The following ADRA1A variants were observed in gnomAD, a reference collection of about 807,000 sequenced individuals.
The protein encoded by ADRA1A is adrenoceptor alpha 1A, also known as alpha-1A adrenergic receptor.
In ADRA1A, 31 loss-of-function variants were observed where a neutral mutation model predicts 29.6. That is an observed-to-expected ratio of 1.05 (90% confidence interval 0.79 to 1.41). ADRA1A has a LOEUF of 1.41. Among genes scored for constraint, ADRA1A ranks in the 40% most tolerant of loss-of-function variants. ADRA1A has a pLI of 0.00. For synonymous variants in ADRA1A, 311 were observed against 254.3 expected, an observed-to-expected ratio of 1.22 and a Z score of -2.12; for missense variants, 619 against 601.1, an observed-to-expected ratio of 1.03 and a Z score of -0.31.
chr8:26,863,926 A>G, intron 2 of ADRA1A, 161 bp downstream of exon 2: 2 of 752,354 alleles, frequency 2.7e-6, no homozygotes, highest in Admixed American at 3.2e-5. Flanking sequence ...AGAGAATGAA[A>G]ATTCACTTTT....
intron 2 of ADRA1A, among the ~76,000 whole-genome samples, chr8:26,852,104 T>A (rs745558676): frequency 5.3e-5 from 8 of 152,148 alleles, no homozygotes; most frequent in Non-Finnish European, 1.2e-4. Flanking sequence ...TTACCAATGA[T>A]TTTCAAATGA....
chr8:26,826,988 T>C (rs7015591), intron 2 of ADRA1A, among the ~76,000 whole-genome samples: 8,800 of 152,274 alleles, frequency 0.058, 794 homozygotes, highest in African/African-American at 0.2. Context: ...CAGCTATGTA[T>C]GATTGTGCCC....
chr8:26,866,433 T>C lies in ADRA1A; in HGVS notation c.-687+503A>G, dbSNP rs1340204777. Among the ~76,000 whole-genome samples the C allele has an allele frequency of 6.6e-6, 1 of 152,080 alleles. No homozygotes were observed. Among genetic ancestry groups the C allele is most frequent in the African/African-American group, 2.4e-5 (1 of 41,416 alleles). On this transcript the variant is annotated intron_variant, in intron 1 of 2. Transcript: ENST00000380573. The surrounding 1 kb of genome is among the most constrained non-coding windows in gnomAD (Gnocchi z 5.7). Reference sequence around the variant, plus strand: ...CTTTGCAAGTGACAGTCACTGCGGATTTTGCAGGCGTAAACATTAAGCCGG... The same window carrying C: ...CTTTGCAAGTGACAGTCACTGCGGACTTTGCAGGCGTAAACATTAAGCCGG...
chr8:26,847,093 T>C (rs1444152777), intron 2 of ADRA1A, among the ~76,000 whole-genome samples: 1 of 152,024 alleles, frequency 6.6e-6, no homozygotes, highest in Admixed American at 6.6e-5. Context: ...CAGGGAGGGA[T>C]AGCATTGGGA....
At chr8:26,773,009 G>T (rs1024993940) in intron 2 of ADRA1A, among the ~76,000 whole-genome samples, 2 of 152,214 alleles carry the variant, frequency 1.3e-5, no homozygotes, top group African/African-American at 2.4e-5. Flanking sequence ...AAACAGGCAA[G>T]GCACTGTGCT....
chr8:26,801,849 T>C (rs12680333), intron 2 of ADRA1A, among the ~76,000 whole-genome samples: 89,609 of 152,062 alleles, frequency 0.59, 28,707 homozygotes, highest in East Asian at 0.9. Flanking sequence ...AATTATACTA[T>C]AGAGCTATGG....
chr8:26,840,856 A>C (rs117724221), intron 2 of ADRA1A, among the ~76,000 whole-genome samples: 2 of 152,288 alleles, frequency 1.3e-5, no homozygotes, highest in Non-Finnish European at 2.9e-5. Context: ...TTTCCCCTCA[A>C]ACATTTTTCC....
chr8:26,831,670 A>G lies in ADRA1A; in HGVS notation c.883+32417T>C, dbSNP rs1377493381. 1.3e-5 allele frequency among the ~76,000 whole-genome samples: 2 copies of G among 152,216 alleles called. No individual in the cohort carries two copies. The highest frequency in any genetic ancestry group is 4.8e-5 in the African/African-American group (2 of 41,450). On this transcript the variant is annotated intron_variant, in intron 2 of 2. Transcript: ENST00000380573. This position sits in a 1 kb window ranked among gnomAD's most constrained non-coding sequence, Gnocchi z 5.2. ...TTTCCAGCCTGGGTAGATCAGCCAC[A>G]TGCCAATTGTCTTCTTGTTTTCTTT...
intron 2 of ADRA1A, among the ~76,000 whole-genome samples, chr8:26,838,902 C>A (rs2130688383): frequency 6.6e-6 from 1 of 152,300 alleles, no homozygotes; most frequent in Non-Finnish European, 1.5e-5. Flanking sequence ...TGTGTCCCCT[C>A]AGCTCTGGAA....
chr8:26,863,381 T>G (rs1375024736), intron 2 of ADRA1A, among the ~76,000 whole-genome samples: 1 of 152,206 alleles, frequency 6.6e-6, no homozygotes, highest in Non-Finnish European at 1.5e-5. Flanking sequence ...ATCTGCAACT[T>G]CCCGGATGAT....
intron 2 of ADRA1A, among the ~76,000 whole-genome samples, chr8:26,812,812 C>G (rs906882096): frequency 2.0e-5 from 3 of 151,606 alleles, no homozygotes; most frequent in Admixed American, 1.3e-4. Context: ...TTACAGGCGC[C>G]CGCCACCACG....
Position 26,770,459 on chromosome 8 carries a change from C to A in ADRA1A, c.1091G>T (p.Ser364Ile). 1 of 1,614,204 alleles carries A rather than the reference C, an allele frequency of 6.2e-7. No homozygotes were observed. Among genetic ancestry groups the A allele is most frequent in the Non-Finnish European group, 8.5e-7 (1 of 1,180,024 alleles). The change falls in exon 3 of 3, where the codon AGC (serine) becomes ATC (isoleucine). Residue 364 changes from serine to isoleucine, a missense_variant. Physicochemically the swap from Ser to Ile is moderately radical, Grantham distance 142. Transcript: ENST00000380573. ...HALGYTLHPP[S>I]QAVEGQHKDM... ...CTTGTGTTGCCCTTCCACGGCCTGG[C>A]TGGGCGGGTGCAGGGTGTAGCCCAG...
intron 2 of ADRA1A, among the ~76,000 whole-genome samples, chr8:26,771,071 C>A (rs1049103058): frequency 6.6e-6 from 1 of 152,180 alleles, no homozygotes; most frequent in African/African-American, 2.4e-5. Context: ...TCTGAACATG[C>A]CCTTTATTCT....
chr8:26,782,430 A>G (rs1294644616), intron 2 of ADRA1A, among the ~76,000 whole-genome samples: 1 of 152,176 alleles, frequency 6.6e-6, no homozygotes, highest in Non-Finnish European at 1.5e-5. Flanking sequence ...GCAGAAAGGG[A>G]TTGGGGCAAT....
At chr8:26,819,425 ATAAT>A (rs1461423935) in intron 2 of ADRA1A, among the ~76,000 whole-genome samples, 4 of 151,874 alleles carry the variant, frequency 2.6e-5, no homozygotes, top group Non-Finnish European at 4.4e-5. Flanking sequence ...TATAGCTACA[ATAAT>A]TAATAAATAA....
intron 2 of ADRA1A, among the ~76,000 whole-genome samples, chr8:26,798,233 C>T (rs934529681): frequency 3.3e-5 from 5 of 152,230 alleles, no homozygotes; most frequent in African/African-American, 1.2e-4. Context: ...CCCACCTCAG[C>T]CTGCCAAAGT....
At chr8:26,827,424 T>A (rs1025832415) in intron 2 of ADRA1A, among the ~76,000 whole-genome samples, 1 of 152,212 alleles carries the variant, frequency 6.6e-6, no homozygotes, top group Non-Finnish European at 1.5e-5. Flanking sequence ...TAACAAGATG[T>A]CCTAAACTAG....
In ADRA1A at chr8:26,814,462, A is replaced by T. The variant is rs75705595; in HGVS notation, c.884-43796T>A. ...GTATTTGTAGAGATGGGGTCTTGCTATGTTGCCCAGGCTGGTCTTAAACTC... is the reference window on the plus strand; with the variant it reads ...GTATTTGTAGAGATGGGGTCTTGCTTTGTTGCCCAGGCTGGTCTTAAACTC... On this transcript the variant is annotated intron_variant, in intron 2 of 2. Transcript: ENST00000380573. Among the ~76,000 whole-genome samples, 258 of 152,198 alleles carry T rather than the reference A, an allele frequency of 1.7e-3. 4 individuals carry two copies. In the East Asian group the frequency reaches 0.046, roughly 27 times the overall value.
At chr8:26,803,647 C>T (rs986556031) in intron 2 of ADRA1A, among the ~76,000 whole-genome samples, 1 of 152,022 alleles carries the variant, frequency 6.6e-6, no homozygotes, top group Non-Finnish European at 1.5e-5. Flanking sequence ...ACACAGCCTA[C>T]GAGACAATAC....
Sources: gnomAD v4.1 joint callset for allele counts (sites outside exome capture counted in the v4.1 genomes callset) on GRCh38, gnomAD v4.1.1 for gene constraint, Gnocchi (gnomAD v3.1) non-coding constraint, MANE v1.5 for transcripts, NCBI Gene and HGNC (gene_info 2026-07-23, HGNC 2026-07-21) for gene names.